The following CTNND2 variants were observed in gnomAD, a reference collection of about 807,000 sequenced individuals.
CTNND2 encodes catenin delta-2.
In CTNND2, 22 loss-of-function variants were observed where a neutral mutation model predicts 144.4. The observed-to-expected ratio is 0.15, with a 90% CI of 0.11 to 0.22. The LOEUF (loss-of-function observed/expected upper bound fraction) is 0.22, where lower values mean the gene tolerates loss of function less well. CTNND2 is among the 10% of genes least tolerant of loss of function. The pLI is 1.00. For synonymous variants in CTNND2, 751 were observed against 695.6 expected, an observed-to-expected ratio of 1.08 and a Z score of -1.25; for missense variants, 1,353 against 1,618.8, an observed-to-expected ratio of 0.84 and a Z score of 2.82.
intron 18 of CTNND2, among the ~76,000 whole-genome samples, chr5:10,998,706 A>G (rs1000483978): frequency 3.3e-5 from 5 of 152,104 alleles, no homozygotes; most frequent in African/African-American, 9.7e-5. Flanking sequence ...TCCAAAACAT[A>G]TTGTCTGTAC....
At chr5:11,664,205 T>G (rs1181937617) in intron 2 of CTNND2, among the ~76,000 whole-genome samples, 1 of 152,332 alleles carries the variant, frequency 6.6e-6, no homozygotes, top group South Asian at 2.1e-4. Flanking sequence ...TACTATATTG[T>G]TATCAATAGA....
At chr5:11,727,986 AGAGTT>A (rs764498214) in intron 2 of CTNND2, among the ~76,000 whole-genome samples, 1 of 152,220 alleles carries the variant, frequency 6.6e-6, no homozygotes, top group South Asian at 2.1e-4. Flanking sequence ...TGTTATATAT[AGAGTT>A]AAGTTACTTT....
At chr5:11,886,876 C>T (rs966854569) in intron 1 of CTNND2, among the ~76,000 whole-genome samples, 1 of 151,528 alleles carries the variant, frequency 6.6e-6, no homozygotes, top group African/African-American at 2.4e-5. Context: ...CTATAAAAAG[C>T]CATTCTCTAA....
At chr5:11,662,150 T>TATGTGTATATATGTGTATATATAC (rs1561668760) in intron 2 of CTNND2, among the ~76,000 whole-genome samples, 63 of 113,138 alleles carry the variant, frequency 5.6e-4, no homozygotes, top group Middle Eastern at 4.1e-3. Flanking sequence ...TATATACACA[T>TATGTGTATATATGTGTATATATAC]ATATATGTGT....
At chr5:11,206,987 G>C (rs1271722407) in intron 10 of CTNND2, among the ~76,000 whole-genome samples, 1 of 152,142 alleles carries the variant, frequency 6.6e-6, no homozygotes, top group Non-Finnish European at 1.5e-5. Context: ...CTTCACAGTA[G>C]GAGATTTAAT....
intron 10 of CTNND2, among the ~76,000 whole-genome samples, chr5:11,207,879 A>G (rs1672429774): frequency 6.6e-6 from 1 of 152,204 alleles, no homozygotes; most frequent in Non-Finnish European, 1.5e-5. Context: ...GTGATGGTCA[A>G]TAGAGTAAAA....
At chr5:11,450,169 A>C (rs1199546034) in intron 3 of CTNND2, among the ~76,000 whole-genome samples, 1 of 152,162 alleles carries the variant, frequency 6.6e-6, no homozygotes, top group African/African-American at 2.4e-5. Flanking sequence ...GTTGCTTCTG[A>C]CATTTCTCTA....
At chr5:11,378,916 T>C (rs79292549) in intron 7 of CTNND2, among the ~76,000 whole-genome samples, 1,895 of 152,302 alleles carry the variant, frequency 0.012, 53 homozygotes, top group African/African-American at 0.043. Context: ...TTTATGTCCA[T>C]TTGACTGGGG....
At chr5:11,612,370 GACTAGT>G (rs1460367710) in intron 2 of CTNND2, among the ~76,000 whole-genome samples, 15 of 152,234 alleles carry the variant, frequency 9.9e-5, no homozygotes, top group African/African-American at 3.6e-4. Context: ...TATTTTTAAA[GACTAGT>G]ACTAAGTAGT....
intron 1 of CTNND2, among the ~76,000 whole-genome samples, chr5:11,865,905 A>AAAAAAAAAAC (rs1443908690): frequency 1.3e-5 from 2 of 149,058 alleles, no homozygotes; most frequent in Non-Finnish European, 3.0e-5. Flanking sequence ...GAAGAGACAA[A>AAAAAAAAAAC]AAAAAAAAAA....
intron 12 of CTNND2, among the ~76,000 whole-genome samples, chr5:11,140,705 G>T (rs1009291781): frequency 1.3e-5 from 2 of 152,214 alleles, no homozygotes; most frequent in African/African-American, 4.8e-5. Flanking sequence ...TGGAAAGAAG[G>T]ATCTGGGAAA....
In CTNND2 at chr5:11,751,601, A is replaced by G. The variant is rs556196491; in HGVS notation, c.38-19329T>C. Among the ~76,000 whole-genome samples, 8 of 151,970 alleles carry G rather than the reference A, an allele frequency of 5.3e-5. No individual in the cohort carries two copies. In the East Asian group the frequency reaches 1.5e-3, roughly 29 times the overall value. On this transcript the variant is annotated intron_variant, in intron 1 of 21. Coordinates refer to ENST00000304623, the MANE Select transcript of CTNND2 (RefSeq NM_001332.4). The stretch of plus-strand genomic sequence containing the variant: ...ATGGCTGCATAGTATGCCACAGTGT[A>G]TATCTGCCACACTTTCTTTAACCAG...
chr5:11,518,799 A>G (rs1016873899), intron 3 of CTNND2, among the ~76,000 whole-genome samples: 2 of 152,202 alleles, frequency 1.3e-5, no homozygotes, highest in Admixed American at 6.5e-5. Flanking sequence ...CCTGGTGTGT[A>G]GTTGGCTAGA....
intron 10 of CTNND2, among the ~76,000 whole-genome samples, chr5:11,227,894 G>A (rs1740530972): frequency 6.6e-6 from 1 of 152,148 alleles, no homozygotes; most frequent in Non-Finnish European, 1.5e-5. Context: ...GTATGCCTTA[G>A]GTTATATTTT....
At chr5:11,642,770 C>G (rs550282470) in intron 2 of CTNND2, among the ~76,000 whole-genome samples, 1 of 152,314 alleles carries the variant, frequency 6.6e-6, no homozygotes, top group South Asian at 2.1e-4. Context: ...TCATTATGTG[C>G]CAGCAATTCT....
intron 6 of CTNND2, among the ~76,000 whole-genome samples, chr5:11,387,438 G>T (rs1423908434): frequency 6.6e-6 from 1 of 152,060 alleles, no homozygotes; most frequent in East Asian, 1.9e-4. Flanking sequence ...CCCAGAGTCT[G>T]CATTTCTAAC....
chr5:11,426,620 C>T (rs1762803689), intron 3 of CTNND2, among the ~76,000 whole-genome samples: 2 of 152,200 alleles, frequency 1.3e-5, no homozygotes, highest in South Asian at 4.1e-4. Context: ...TTGAGTGAGA[C>T]TCAAGTCAGT....
At chr5:11,433,998 T>C (rs1021873527) in intron 3 of CTNND2, among the ~76,000 whole-genome samples, 2 of 152,264 alleles carry the variant, frequency 1.3e-5, no homozygotes, top group Admixed American at 6.5e-5. Context: ...AAAAAGCATA[T>C]ATTTACAAAA....
At chr5:11,829,750 C>T (rs1021853529) in intron 1 of CTNND2, among the ~76,000 whole-genome samples, 41 of 152,248 alleles carry the variant, frequency 2.7e-4, no homozygotes, top group Non-Finnish European at 1.0e-4. Flanking sequence ...TACTGAGGCA[C>T]TGCCTCGTGG....
Sources: allele counts gnomAD v4.1 joint callset (sites outside exome capture counted in the v4.1 genomes callset), GRCh38; gene constraint gnomAD v4.1.1; transcripts MANE v1.5; gene names NCBI Gene and HGNC (gene_info 2026-07-23, HGNC 2026-07-21).